The following PIK3AP1 variants were observed in gnomAD, a reference collection of about 807,000 sequenced individuals.
The protein encoded by PIK3AP1 is phosphoinositide-3-kinase adaptor protein 1, also known as phosphoinositide 3-kinase adapter protein 1.
In PIK3AP1, 21 loss-of-function variants were observed where a neutral mutation model predicts 88.1. That is an observed-to-expected ratio of 0.24 (90% CI 0.17 to 0.34). PIK3AP1 has a LOEUF of 0.34. Among genes scored for constraint, PIK3AP1 ranks in the 10% least tolerant of loss-of-function variants. The pLI is 1.00. For missense variants in PIK3AP1, 828 were observed against 1,035.7 expected, an observed-to-expected ratio of 0.80 and a Z score of 2.75; for synonymous variants, 398 against 400.0, an observed-to-expected ratio of 1.00 and a Z score of 0.06.
intron 1 of PIK3AP1, among the ~76,000 whole-genome samples, chr10:96,717,992 C>G (rs559376929): frequency 6.6e-6 from 1 of 152,278 alleles, no homozygotes; most frequent in South Asian, 2.1e-4. Flanking sequence ...GAACGAAGTA[C>G]TGATATAAGC....
intron 2 of PIK3AP1, among the ~76,000 whole-genome samples, chr10:96,679,521 C>T (rs1433305941): frequency 6.6e-6 from 1 of 151,616 alleles, no homozygotes; most frequent in Non-Finnish European, 1.5e-5. Context: ...GAGCAAGACT[C>T]CGTCTCAAAA....
chr10:96,622,044 T>C (rs1472217641), intron 11 of PIK3AP1, among the ~76,000 whole-genome samples: 1 of 152,210 alleles, frequency 6.6e-6, no homozygotes, highest in African/African-American at 2.4e-5. Flanking sequence ...AGGATGCTTC[T>C]CTTAGCCCCA....
chr10:96,625,832 T>C (rs1159714383), intron 10 of PIK3AP1, among the ~76,000 whole-genome samples: 2 of 152,206 alleles, frequency 1.3e-5, no homozygotes, highest in Admixed American at 1.3e-4. Flanking sequence ...CACTGTAACC[T>C]ACACCTCCCA....
At chr10:96,687,660 G>A (rs1156500036) in intron 2 of PIK3AP1, among the ~76,000 whole-genome samples, 2 of 152,132 alleles carry the variant, frequency 1.3e-5, no homozygotes, top group Admixed American at 6.5e-5. Context: ...TCTCGTACAC[G>A]TATCTCTTGC....
chr10:96,645,587 A>C lies in PIK3AP1; in HGVS notation c.1261T>G (p.Ser421Ala). 1 of 1,613,654 alleles carries C rather than the reference A, an allele frequency of 6.2e-7. No individual in the cohort carries two copies. Among genetic ancestry groups the C allele is most frequent in the Non-Finnish European group, 8.5e-7 (1 of 1,179,830 alleles). The change falls in exon 8 of 17, where the codon TCC becomes GCC. Residue 421 changes from serine (S) to alanine (A), a missense_variant. By Grantham distance (99) the Ser-to-Ala change is moderately conservative. This residue lies in a region of PIK3AP1 where 610 missense variants were observed against 760.1 expected (regional missense o/e 0.80). Coordinates refer to ENST00000339364, the MANE Select transcript of PIK3AP1 (RefSeq NM_152309.3). ...AGGTCTGTGGAAAGGTGGGCCATGGACTCGTACACAGCATCAGCCTCCTCC... is the reference window on the plus strand; with the variant it reads ...AGGTCTGTGGAAAGGTGGGCCATGGCCTCGTACACAGCATCAGCCTCCTCC... ...HGEEADAVYE[S>A]MAHLSTDLLM...
rs60796576 is a variant in PIK3AP1 at position 96,638,471 on chromosome 10, GACACACACACACAC to G, written c.1375+6988_1375+7001del. 2.0e-5 allele frequency among the ~76,000 whole-genome samples: 3 copies of G among 148,230 alleles called. No individual in the cohort carries two copies. In the East Asian group the frequency reaches 5.9e-4, roughly 29 times the overall value. On this transcript the variant is annotated intron_variant, in intron 8 of 16. Coordinates refer to ENST00000339364, the MANE Select transcript of PIK3AP1 (RefSeq NM_152309.3). ...ACACACACAGACACACACACACACA[GACACACACACACAC>G]ACACACACACACGAATAGCAGTGTA...
intron 13 of PIK3AP1, among the ~76,000 whole-genome samples, chr10:96,616,051 G>A (rs72818908): frequency 0.021 from 3,231 of 152,290 alleles, 60 homozygotes; most frequent in Non-Finnish European, 0.027. Context: ...GTGGGTAAAC[G>A]CCAACTTCTT....
At chr10:96,679,592 A>G (rs993020749) in intron 2 of PIK3AP1, among the ~76,000 whole-genome samples, 1 of 152,198 alleles carries the variant, frequency 6.6e-6, no homozygotes, top group Non-Finnish European at 1.5e-5. Context: ...ACCTTGCAGA[A>G]TCTGTTAAGA....
intron 2 of PIK3AP1, among the ~76,000 whole-genome samples, chr10:96,695,480 G>A (rs947996724): frequency 1.3e-5 from 2 of 152,072 alleles, no homozygotes; most frequent in Admixed American, 6.5e-5. Context: ...AGCCTCCCCC[G>A]CTATTTCCTG....
chr10:96,603,890 T>A (rs1848952862), intron 15 of PIK3AP1, 89 bp downstream of exon 15: 1 of 1,221,422 alleles, frequency 8.2e-7, no homozygotes. Context: ...TATGACCTTT[T>A]GTGCCTGGCT....
Position 96,658,743 on chromosome 10 carries a change from C to G in PIK3AP1, c.431-1809G>C, listed in dbSNP as rs932514942. Among the ~76,000 whole-genome samples the G allele has an allele frequency of 2.0e-5, 3 of 152,104 alleles. No individual in the cohort carries two copies. In the South Asian group the frequency reaches 6.2e-4, roughly 32 times the overall value. On this transcript the variant is annotated intron_variant, in intron 2 of 16. Coordinates refer to ENST00000339364, the MANE Select transcript of PIK3AP1 (RefSeq NM_152309.3). ...ATGATTTTTCCCAAGACATGCTACT[C>G]CAGAATGCCTGTTTGAATGCTGCCA...
intron 13 of PIK3AP1, among the ~76,000 whole-genome samples, chr10:96,611,890 A>G (rs947465605): frequency 2.6e-5 from 4 of 152,236 alleles, no homozygotes; most frequent in Admixed American, 1.3e-4. Flanking sequence ...AGGGAGTCAA[A>G]AGTTCAAAAA....
chr10:96,708,974 T>G, intron 2 of PIK3AP1, among the ~76,000 whole-genome samples: 1 of 150,136 alleles, frequency 6.7e-6, no homozygotes, highest in Admixed American at 6.6e-5. Flanking sequence ...CTACTATAAA[T>G]AGAAAAAAAT....
chr10:96,688,279 T>C (rs1270026289), intron 2 of PIK3AP1, among the ~76,000 whole-genome samples: 1 of 152,004 alleles, frequency 6.6e-6, no homozygotes, highest in Non-Finnish European at 1.5e-5. Context: ...AGTTCATAAA[T>C]AGTGATAGTA....
chr10:96,617,232 A>G (rs924339622), intron 12 of PIK3AP1, among the ~76,000 whole-genome samples: 5 of 152,360 alleles, frequency 3.3e-5, no homozygotes, highest in African/African-American at 1.2e-4. Flanking sequence ...AGGTCAAGAG[A>G]CCACGTCGTG....
chr10:96,670,381 T>C (rs1843828993), intron 2 of PIK3AP1, among the ~76,000 whole-genome samples: 1 of 152,148 alleles, frequency 6.6e-6, no homozygotes, highest in African/African-American at 2.4e-5. Flanking sequence ...AACAAATAAA[T>C]ACTCATTATT....
chr10:96,688,248 C>T (rs1228081191), intron 2 of PIK3AP1, among the ~76,000 whole-genome samples: 1 of 152,124 alleles, frequency 6.6e-6, no homozygotes, highest in Non-Finnish European at 1.5e-5. Context: ...CTTGCAAAAA[C>T]ACACCACCTG....
chr10:96,644,554 T>C (rs1843434382), intron 8 of PIK3AP1, among the ~76,000 whole-genome samples: 1 of 152,194 alleles, frequency 6.6e-6, no homozygotes, highest in South Asian at 2.1e-4. Flanking sequence ...GAGGGGAACT[T>C]CTACTGCTCA....
chr10:96,629,930 A>AAAAAAAAAAAAAGAAG (rs776780994), intron 8 of PIK3AP1, among the ~76,000 whole-genome samples: 4 of 13,720 alleles, frequency 2.9e-4, no homozygotes, highest in Non-Finnish European at 4.9e-4. Context: ...AAAAAAAAAA[A>AAAAAAAAAAAAAGAAG]AAGAAGAAGA....
Sources: gnomAD v4.1 joint callset for allele counts (sites outside exome capture counted in the v4.1 genomes callset) on GRCh38, gnomAD v4.1.1 for gene constraint, gnomAD v4.1.1 regional missense constraint, MANE v1.5 for transcripts, NCBI Gene and HGNC (gene_info 2026-07-23, HGNC 2026-07-21) for gene names.